Variants in ACSBG2 observed in about 807,000 individuals in gnomAD.
ACSBG2 encodes long-chain-fatty-acid--CoA ligase ACSBG2.
Under a neutral mutation model 74.7 loss-of-function variants are expected in ACSBG2, and 62 were observed. That is an observed-to-expected ratio of 0.83 (90% CI 0.68 to 1.03). ACSBG2 has a LOEUF of 1.03. ACSBG2 is among the 50% of genes least tolerant of loss of function. The pLI is 0.00. For synonymous variants in ACSBG2, 309 were observed against 294.1 expected, an observed-to-expected ratio of 1.05 and a Z score of -0.52; for missense variants, 730 against 817.6, an observed-to-expected ratio of 0.89 and a Z score of 1.31.
intron 12 of ACSBG2, 49 bp from the exon 13 acceptor site, chr19:6,187,550 G>A (rs527301580): frequency 2.4e-5 from 38 of 1,610,280 alleles, no homozygotes; most frequent in Non-Finnish European, 3.1e-5. Flanking sequence ...GGCCTGGGGA[G>A]GGGTGCTGGT....
intron 1 of ACSBG2, among the ~76,000 whole-genome samples, chr19:6,140,602 C>A (rs568559388): frequency 1.8e-4 from 27 of 152,182 alleles, no homozygotes; most frequent in Admixed American, 1.6e-3. Flanking sequence ...ATTGCTTGAA[C>A]CTGGGAGGTG....
intron 7 of ACSBG2, among the ~76,000 whole-genome samples, chr19:6,170,826 G>C (rs2089944949): frequency 6.6e-6 from 1 of 152,052 alleles, no homozygotes; most frequent in African/African-American, 2.4e-5. Flanking sequence ...TCTGTCAGTG[G>C]GGTGTTGAAG....
intron 1 of ACSBG2, among the ~76,000 whole-genome samples, chr19:6,136,591 G>T (rs2088580291): frequency 6.6e-6 from 1 of 151,768 alleles, no homozygotes. Context: ...TCGAACTCCT[G>T]GCCTCAAGCG....
At chr19:6,172,733 T>G (rs2089995503) in intron 7 of ACSBG2, among the ~76,000 whole-genome samples, 2 of 152,200 alleles carry the variant, frequency 1.3e-5, no homozygotes, top group Non-Finnish European at 2.9e-5. Flanking sequence ...GATTTTTGTT[T>G]GGTGGTGCAG....
chr19:6,187,984 C>T (rs74772151), intron 13 of ACSBG2, 139 bp downstream of exon 13: 33,036 of 1,271,550 alleles, frequency 0.026, 968 homozygotes, highest in African/African-American at 0.14. Context: ...CTGCCACCTT[C>T]AGCTAACTGG....
chr19:6,190,305 G>T, intron 13 of ACSBG2: 1 of 374,884 alleles, frequency 2.7e-6, no homozygotes. Flanking sequence ...GGTTTGAGAT[G>T]ATGATATCCC....
At chr19:6,177,883 T>A (rs937074203) in intron 8 of ACSBG2, among the ~76,000 whole-genome samples, 1 of 132,784 alleles carries the variant, frequency 7.5e-6, no homozygotes, top group African/African-American at 3.3e-5. Context: ...AGAGTGTGTG[T>A]GTGTGTGTGT....
At chr19:6,176,694 T>C (rs2090097749) in intron 7 of ACSBG2, among the ~76,000 whole-genome samples, 1 of 151,964 alleles carries the variant, frequency 6.6e-6, no homozygotes, top group Non-Finnish European at 1.5e-5. Context: ...CGACAGATTT[T>C]TTGGGTGAAG....
chr19:6,167,086 G>C (rs2089830291), intron 7 of ACSBG2, among the ~76,000 whole-genome samples: 1 of 152,106 alleles, frequency 6.6e-6, no homozygotes. Flanking sequence ...CAAGTAGCTG[G>C]GTCTACAGGT....
chr19:6,141,798 G>A (rs9304927), intron 2 of ACSBG2, among the ~76,000 whole-genome samples, 188 bp downstream of exon 2: 88,111 of 150,860 alleles, frequency 0.58, 26,810 homozygotes, highest in Admixed American at 0.68. Flanking sequence ...CAGTGGTGCA[G>A]TCATAGCTCA....
chr19:6,142,974 C>T (rs1205587509), intron 2 of ACSBG2, among the ~76,000 whole-genome samples: 1 of 152,052 alleles, frequency 6.6e-6, no homozygotes, highest in African/African-American at 2.4e-5. Flanking sequence ...AGTTTCAGCA[C>T]TTTGGGAAGC....
chr19:6,162,754 T>C (rs2089669198), intron 6 of ACSBG2, among the ~76,000 whole-genome samples: 2 of 151,998 alleles, frequency 1.3e-5, no homozygotes, highest in Non-Finnish European at 2.9e-5. Flanking sequence ...TCCGACGCCC[T>C]GTAGGATGTT....
chr19:6,184,425 C>A (rs1337333790), intron 10 of ACSBG2, among the ~76,000 whole-genome samples: 1 of 151,972 alleles, frequency 6.6e-6, no homozygotes, highest in Non-Finnish European at 1.5e-5. Context: ...AATCATAAGG[C>A]AGCTCTTTGT....
intron 2 of ACSBG2, among the ~76,000 whole-genome samples, chr19:6,145,601 C>T (rs952029031): frequency 6.6e-6 from 1 of 152,172 alleles, no homozygotes; most frequent in Non-Finnish European, 1.5e-5. Context: ...GACTTTCTCT[C>T]ACTTGCCCGT....
chr19:6,189,379 T>C (rs1252886263), intron 13 of ACSBG2, among the ~76,000 whole-genome samples: 1 of 152,214 alleles, frequency 6.6e-6, no homozygotes, highest in African/African-American at 2.4e-5. Flanking sequence ...ATTCTACTAA[T>C]GTACTTTCAT....
intron 5 of ACSBG2, among the ~76,000 whole-genome samples, chr19:6,159,631 G>A (rs1028325340): frequency 6.6e-5 from 10 of 152,210 alleles, no homozygotes; most frequent in African/African-American, 2.4e-4. Context: ...CTCCCAAATT[G>A]GATGCCCAGC....
chr19:6,154,433 A>AGAGAG (rs1555691736), intron 4 of ACSBG2, among the ~76,000 whole-genome samples: 10 of 47,808 alleles, frequency 2.1e-4, no homozygotes, highest in South Asian at 7.2e-4. Flanking sequence ...AGAGAGAGAG[A>AGAGAG]AAATTATTAT....
At position 6,147,441 on chromosome 19, in the gene ACSBG2, T is replaced by C; in HGVS notation, c.68-5T>C. On this transcript the variant is annotated splice_polypyrimidine_tract_variant and splice_region_variant and intron_variant, in intron 2 of 14. Coordinates refer to ENST00000588485, the MANE Select transcript of ACSBG2 (RefSeq NM_030924.5). ...TTGCCACCCAACTCTGGTGACTATT[T>C]GCAGTTACTCCCAGGCTGTGGACCA... 6.2e-7 allele frequency: 1 copy of C among 1,612,424 alleles called. No individual in the cohort carries two copies. The highest frequency in any genetic ancestry group is 2.2e-5 in the East Asian group (1 of 44,868).
At chr19:6,137,855 C>A (rs1452253436) in intron 1 of ACSBG2, among the ~76,000 whole-genome samples, 3 of 152,044 alleles carry the variant, frequency 2.0e-5, no homozygotes, top group African/African-American at 7.3e-5. Context: ...ACCGTGTGAA[C>A]CATGGCCAGG....
Sources: gnomAD v4.1 joint callset for allele counts (sites outside exome capture counted in the v4.1 genomes callset) on GRCh38, gnomAD v4.1.1 for gene constraint, MANE v1.5 for transcripts, NCBI Gene and HGNC (gene_info 2026-07-23, HGNC 2026-07-21) for gene names.